Variants in CPA5 observed in about 807,000 individuals in gnomAD.
CPA5 encodes the protein carboxypeptidase A5, also known as testicular tissue protein Li 32.
Under a neutral mutation model 52.2 loss-of-function variants are expected in CPA5, and 38 were observed. That is an observed-to-expected ratio of 0.73 (90% CI 0.56 to 0.95). The LOEUF is 0.95. CPA5 is among the 40% of genes least tolerant of loss of function. CPA5 has a pLI of 0.00. For synonymous variants in CPA5, 198 were observed against 213.7 expected, an observed-to-expected ratio of 0.93 and a Z score of 0.64; for missense variants, 519 against 566.7, an observed-to-expected ratio of 0.92 and a Z score of 0.86.
At chr7:130,363,110 G>A in intron 9 of CPA5, 116 bp downstream of exon 9, 2 of 653,852 alleles carry the variant, frequency 3.1e-6, no homozygotes, top group South Asian at 1.9e-5. Flanking sequence ...CCCTCACCAA[G>A]GGCAGGAGGG....
At chr7:130,356,514 G>A (rs1554405234) in intron 5 of CPA5, among the ~76,000 whole-genome samples, 2 of 152,228 alleles carry the variant, frequency 1.3e-5, no homozygotes, top group Admixed American at 6.5e-5. Flanking sequence ...TGGAGCAAAC[G>A]CTGGTGCATT....
chr7:130,357,654 G>A (rs1795557140), intron 5 of CPA5, among the ~76,000 whole-genome samples: 1 of 151,716 alleles, frequency 6.6e-6, no homozygotes, highest in African/African-American at 2.4e-5. Context: ...TATTGAAGTA[G>A]TATAAGCACA....
chr7:130,363,383 C>A, intron 9 of CPA5, 36 bp from the exon 10 acceptor site: 1 of 1,526,630 alleles, frequency 6.6e-7, no homozygotes, highest in South Asian at 1.2e-5. Context: ...GGGAATGGGC[C>A]CAGTGAATGA....
chr7:130,349,419 C>T (rs576478209), intron 4 of CPA5, among the ~76,000 whole-genome samples: 3 of 151,832 alleles, frequency 2.0e-5, no homozygotes, highest in Admixed American at 1.3e-4. Context: ...GGGCGAAACT[C>T]CATCTCAAAA....
chr7:130,365,205 G>T (rs1023444910), intron 10 of CPA5, among the ~76,000 whole-genome samples: 5 of 152,188 alleles, frequency 3.3e-5, no homozygotes, highest in African/African-American at 1.2e-4. Flanking sequence ...CTTGTGTAAT[G>T]GAACAAGACC....
chr7:130,370,404 G>A (rs947786736), downstream of CPA5, among the ~76,000 whole-genome samples: 1 of 152,226 alleles, frequency 6.6e-6, no homozygotes, highest in African/African-American at 2.4e-5. Flanking sequence ...TGCTGCTAGT[G>A]GAAATTCGAG....
intron 10 of CPA5, among the ~76,000 whole-genome samples, chr7:130,365,263 A>G (rs141785114): frequency 3.0e-4 from 46 of 152,274 alleles, no homozygotes; most frequent in African/African-American, 7.9e-4. Flanking sequence ...CGCTTGCCTC[A>G]GGGGGGGCAT....
At chr7:130,355,485 C>T (rs1554404978) in intron 5 of CPA5, among the ~76,000 whole-genome samples, 4 of 152,180 alleles carry the variant, frequency 2.6e-5, no homozygotes, top group Non-Finnish European at 5.9e-5. Flanking sequence ...CCCCTAACTG[C>T]AACCTCCGCC....
At chr7:130,373,687 A>T (rs1234566281), downstream of CPA5, among the ~76,000 whole-genome samples, 3 of 152,224 alleles carry the variant, frequency 2.0e-5, no homozygotes, top group Non-Finnish European at 4.4e-5. Context: ...CATTTAATTT[A>T]ATGTAAAAAT....
chr7:130,358,384 A>T (rs1295657575), intron 5 of CPA5, among the ~76,000 whole-genome samples: 1 of 152,148 alleles, frequency 6.6e-6, no homozygotes, highest in Non-Finnish European at 1.5e-5. Context: ...CCTGGTTCTT[A>T]TCTCACCTCC....
chr7:130,363,119 G>A (rs972458901), intron 9 of CPA5, 125 bp downstream of exon 9: 12 of 640,902 alleles, frequency 1.9e-5, no homozygotes, highest in African/African-American at 1.5e-4. Context: ...AGGGCAGGAG[G>A]GCTGCTCAGG....
At chr7:130,360,950 A>G (rs1202869905) in intron 6 of CPA5, among the ~76,000 whole-genome samples, 193 bp from the exon 7 acceptor site, 1 of 152,110 alleles carries the variant, frequency 6.6e-6, no homozygotes, top group Non-Finnish European at 1.5e-5. Flanking sequence ...CAAGATCACA[A>G]CTCACTTCCT....
intron 5 of CPA5, among the ~76,000 whole-genome samples, chr7:130,359,273 C>A (rs746445300): frequency 3.9e-5 from 6 of 152,218 alleles, no homozygotes; most frequent in Non-Finnish European, 5.9e-5. Flanking sequence ...ATTGCTTTCC[C>A]AATTTTCAAG....
intron 10 of CPA5, among the ~76,000 whole-genome samples, chr7:130,364,374 G>A (rs1215010314): frequency 6.6e-6 from 1 of 152,186 alleles, no homozygotes; most frequent in Non-Finnish European, 1.5e-5. Context: ...TGTATTTTTA[G>A]TAGAGATGGA....
At chr7:130,368,332 ACCCAGGATGCCT>A in intron 12 of CPA5, 66 bp from the exon 13 acceptor site, 1 of 1,442,740 alleles carries the variant, frequency 6.9e-7, no homozygotes, top group Admixed American at 1.9e-5. Context: ...CTCACTTTCC[ACCCAGGATGCCT>A]CTGTACCTTG....
At chr7:130,369,146 A>G (rs1471983492), downstream of CPA5, among the ~76,000 whole-genome samples, 3 of 152,122 alleles carry the variant, frequency 2.0e-5, no homozygotes, top group Non-Finnish European at 4.4e-5. Context: ...AACACGAATG[A>G]GTCATTGGCT....
chr7:130,352,125 T>C (rs1171142711), intron 5 of CPA5, among the ~76,000 whole-genome samples: 5 of 152,116 alleles, frequency 3.3e-5, no homozygotes, highest in Non-Finnish European at 1.5e-5. Context: ...AGGACCAGGC[T>C]GGAAAACCTC....
intron 10 of CPA5, among the ~76,000 whole-genome samples, chr7:130,366,580 A>G (rs1796099581): frequency 6.6e-6 from 1 of 152,224 alleles, no homozygotes; most frequent in Non-Finnish European, 1.5e-5. Context: ...AGTCCCCAAG[A>G]AGAATTTTCA....
intron 5 of CPA5, among the ~76,000 whole-genome samples, chr7:130,359,197 T>C (rs189917428): frequency 6.6e-6 from 1 of 152,308 alleles, no homozygotes; most frequent in East Asian, 1.9e-4. Flanking sequence ...TGTGAGCACC[T>C]TTTTTCCCCC....
Sources: allele counts gnomAD v4.1 joint callset (sites outside exome capture counted in the v4.1 genomes callset), GRCh38; gene constraint gnomAD v4.1.1; transcripts MANE v1.5; gene names NCBI Gene and HGNC (gene_info 2026-07-23, HGNC 2026-07-21).